Variants in CAMK1D observed in about 807,000 individuals in gnomAD.
CAMK1D encodes the protein calcium/calmodulin dependent protein kinase ID.
In CAMK1D, 9 loss-of-function variants were observed where a neutral mutation model predicts 47.7. The observed-to-expected ratio is 0.19, with a 90% CI of 0.11 to 0.33. CAMK1D has a LOEUF of 0.33. Ranked by LOEUF, CAMK1D falls within the 10% of genes least tolerant of loss-of-function variation. CAMK1D has a pLI of 1.00. For missense variants in CAMK1D, 291 were observed against 488.7 expected (o/e 0.60, Z 3.81); for synonymous variants, 184 against 184.9 (o/e 0.99, Z 0.04).
chr10:12,595,342 G>GAACAAAAAAAAAAAAAAAA (rs1838113313), intron 2 of CAMK1D, among the ~76,000 whole-genome samples: 1 of 23,554 alleles, frequency 4.2e-5, no homozygotes, highest in African/African-American at 1.8e-4. Context: ...AACTCCATCT[G>GAACAAAAAAAAAAAAAAAA]AAAAAAAAAA....
chr10:12,419,366 CTG>C (rs1839968406), intron 1 of CAMK1D, among the ~76,000 whole-genome samples: 1 of 152,146 alleles, frequency 6.6e-6, no homozygotes, highest in Admixed American at 6.5e-5. Context: ...ATCCCGACAC[CTG>C]TGAACACTGC....
Position 12,600,525 on chromosome 10 carries a change from C to G in CAMK1D, c.224+47169C>G, listed in dbSNP as rs117829711. 5.7e-3 allele frequency among the ~76,000 whole-genome samples: 862 copies of G among 152,214 alleles called. 6 individuals carry two copies. Among genetic ancestry groups the G allele is most frequent in the Non-Finnish European group, 9.5e-3 (648 of 68,020 alleles). On this transcript the variant is annotated intron_variant, in intron 2 of 10. Transcript: ENST00000619168. ...AAGAGTTTAGTAAATGTTGATCTGG[C>G]GACATTTCACTTTTCCTTTTTAGCA...
intron 1 of CAMK1D, among the ~76,000 whole-genome samples, chr10:12,492,974 C>T (rs755653219): frequency 4.6e-5 from 7 of 152,210 alleles, no homozygotes; most frequent in Admixed American, 1.3e-4. Flanking sequence ...TCCCTGGCTC[C>T]GCTCCTGTGC....
In CAMK1D at chr10:12,805,806, G is replaced by A. The variant is rs541202316; in HGVS notation, c.642-8389G>A. On this transcript the variant is annotated intron_variant, in intron 6 of 10. Transcript: ENST00000619168. ...TTGAAACACAGGCATTTAATGACTC[G>A]GGCATCCAGCCACCTTTTGCTGAGC... Among the ~76,000 whole-genome samples the A allele has an allele frequency of 2.7e-4, 41 of 152,304 alleles. 1 individual carries two copies. The South Asian group carries it at 8.1e-3, about 30-fold the overall frequency.
rs561555048 is a variant in CAMK1D, at chr10:12,689,820, A to G, written c.299+23010A>G. Among the ~76,000 whole-genome samples the G allele has an allele frequency of 2.6e-5, 4 of 152,186 alleles. No homozygotes were observed. The East Asian group carries it at 7.7e-4, about 29-fold the overall frequency. On this transcript the variant is annotated intron_variant, in intron 3 of 10. Transcript: ENST00000619168. ...GTTTGAACTGAGCCTGCTATTTATA[A>G]TTTAAAATGTCTTTATATTCAGCTT...
Position 12,396,578 on chromosome 10 carries a change from G to C in CAMK1D, c.92+46668G>C, listed in dbSNP as rs535792983. Reference sequence around the variant, plus strand: ...TGTAAGGGCTATGTAGAAGGTATTTGATCTCTTTTCTGTTGCTTTGCTATC... The same window carrying C: ...TGTAAGGGCTATGTAGAAGGTATTTCATCTCTTTTCTGTTGCTTTGCTATC... On this transcript the variant is annotated intron_variant, in intron 1 of 10. Transcript: ENST00000619168. 2.6e-5 allele frequency among the ~76,000 whole-genome samples: 4 copies of C among 152,324 alleles called. No individual in the cohort carries two copies. The East Asian group carries it at 7.7e-4, about 29-fold the overall frequency.
intron 3 of CAMK1D, among the ~76,000 whole-genome samples, chr10:12,710,236 A>G (rs1418484378): frequency 6.6e-6 from 1 of 152,218 alleles, no homozygotes; most frequent in African/African-American, 2.4e-5. Context: ...CCTAAAGTAT[A>G]TTTCTGTAAA....
At chr10:12,750,923 C>T (rs550473446) in intron 3 of CAMK1D, among the ~76,000 whole-genome samples, 6 of 152,266 alleles carry the variant, frequency 3.9e-5, no homozygotes, top group South Asian at 2.1e-4. Context: ...TGGTGTCACA[C>T]GCCTGTAATT....
chr10:12,475,791 G>A (rs1833884459), intron 1 of CAMK1D, among the ~76,000 whole-genome samples: 1 of 151,996 alleles, frequency 6.6e-6, no homozygotes, highest in Non-Finnish European at 1.5e-5. Flanking sequence ...GAGGGACTGT[G>A]TTCTAGAACT....
At position 12,764,381 on chromosome 10, in the gene CAMK1D, C is replaced by CAAAAAAAAAAAAAAA. The variant is rs56657709; in HGVS notation, c.438+3298_438+3312dup. On this transcript the variant is annotated intron_variant, in intron 4 of 10. Coordinates refer to ENST00000619168, the MANE Select transcript of CAMK1D (RefSeq NM_153498.4). ...GGGCAACAAGAATGACACTTTGTCT[C>CAAAAAAAAAAAAAAA]AAAAAAAAAAAAAAAAACATTGATC... Among the ~76,000 whole-genome samples the CAAAAAAAAAAAAAAA allele has an allele frequency of 2.3e-4, 18 of 77,958 alleles. 1 individual carries two copies. The highest frequency in any genetic ancestry group is 5.4e-4 in the African/African-American group (11 of 20,518). 51.1% of individuals were successfully genotyped at this position (77,958 alleles called of 152,430 possible).
chr10:12,605,908 C>T (rs1188937931), intron 2 of CAMK1D, among the ~76,000 whole-genome samples: 3 of 152,136 alleles, frequency 2.0e-5, no homozygotes, highest in African/African-American at 4.8e-5. Flanking sequence ...GGGTTAGTGC[C>T]AGCAGCTGCT....
chr10:12,417,292 C>T (rs1325070118), intron 1 of CAMK1D, among the ~76,000 whole-genome samples: 1 of 151,550 alleles, frequency 6.6e-6, no homozygotes, highest in African/African-American at 2.4e-5. Flanking sequence ...GAGAGAGAGA[C>T]AAAGAACAGG....
At chr10:12,679,111 TA>T (rs1181008768) in intron 3 of CAMK1D, among the ~76,000 whole-genome samples, 1 of 152,250 alleles carries the variant, frequency 6.6e-6, no homozygotes, top group Non-Finnish European at 1.5e-5. Flanking sequence ...AATACCATCT[TA>T]CGCATTTTAG....
chr10:12,734,381 T>TAG (rs1293238544), intron 3 of CAMK1D, among the ~76,000 whole-genome samples: 22 of 2,162 alleles, frequency 0.01, no homozygotes, highest in African/African-American at 0.013. Context: ...TATATATAGA[T>TAG]ATAGATATAG....
At chr10:12,611,366 G>T (rs561888520) in intron 2 of CAMK1D, among the ~76,000 whole-genome samples, 1 of 152,188 alleles carries the variant, frequency 6.6e-6, no homozygotes, top group East Asian at 1.9e-4. Flanking sequence ...ACATTCTGAC[G>T]TTCCCGCTCC....
Position 12,437,093 on chromosome 10 carries a change from T to C in CAMK1D, c.92+87183T>C, listed in dbSNP as rs970590722. Among the ~76,000 whole-genome samples, 5 of 136,032 alleles carry C rather than the reference T, an allele frequency of 3.7e-5. No individual in the cohort carries two copies. The East Asian group carries it at 1.1e-3, about 30-fold the overall frequency. The allele number at this position is 136,032 out of a possible 152,430, so 89.2% of individuals were successfully genotyped here. A position where few individuals can be genotyped will look rare whatever the true frequency, so the allele number is the denominator to read the frequency against. ...GTGAAATGGCATCTACTAGGGAAGC[T>C]TGCTAGACTCAGCAGCCAGATTTTT... On this transcript the variant is annotated intron_variant, in intron 1 of 10. Transcript: ENST00000619168.
At chr10:12,432,086 C>T (rs1832495277) in intron 1 of CAMK1D, among the ~76,000 whole-genome samples, 1 of 152,208 alleles carries the variant, frequency 6.6e-6, no homozygotes, top group Admixed American at 6.5e-5. Context: ...GCAGTGATTT[C>T]CAGATTCCAA....
rs999479547 is a variant in CAMK1D at position 12,830,261 on chromosome 10, A to G, written c.*1374A>G. 3.9e-5 allele frequency: 6 copies of G among 152,082 alleles called. No individual in the cohort carries two copies. Among genetic ancestry groups the G allele is most frequent in the Admixed American group, 2.0e-4 (3 of 15,258 alleles). The allele number at this position is 152,082 out of a possible 1,614,324, so 9.4% of individuals were successfully genotyped here. Reference sequence around the variant, plus strand: ...CTCCAACACAAAGTTCTTTCTCCACATTTTTACCCTCTTCTCACATGAATG... The same window carrying G: ...CTCCAACACAAAGTTCTTTCTCCACGTTTTTACCCTCTTCTCACATGAATG... On this transcript the variant is annotated 3_prime_UTR_variant, in exon 11 of 11. Transcript: ENST00000619168.
At chr10:12,819,693 C>T (rs1832947073) in intron 8 of CAMK1D, among the ~76,000 whole-genome samples, 1 of 152,218 alleles carries the variant, frequency 6.6e-6, no homozygotes. Flanking sequence ...AGTGGGGTCC[C>T]TGACATCTGT....
Sources: allele counts gnomAD v4.1 joint callset (sites outside exome capture counted in the v4.1 genomes callset), GRCh38; gene constraint gnomAD v4.1.1; transcripts MANE v1.5; gene names NCBI Gene and HGNC (gene_info 2026-07-23, HGNC 2026-07-21).